The following ANK3 variants were observed in gnomAD, a reference collection of about 807,000 sequenced individuals.
ANK3 encodes ankyrin 3, also known as ankyrin-3.
In ANK3, 57 loss-of-function variants were observed where a neutral mutation model predicts 370.9. The observed-to-expected ratio is 0.15, with a 90% confidence interval of 0.12 to 0.19. The LOEUF (loss-of-function observed/expected upper bound fraction) is 0.19, where lower values mean the gene tolerates loss of function less well. Ranked by LOEUF, ANK3 falls within the 10% of genes least tolerant of loss-of-function variation. The pLI is 1.00. For missense variants in ANK3, 4,439 were observed against 5,302.1 expected, an observed-to-expected ratio of 0.84 and a Z score of 5.06; for synonymous variants, 1,929 against 1,946.3, an observed-to-expected ratio of 0.99 and a Z score of 0.23.
intron 2 of ANK3, among the ~76,000 whole-genome samples, chr10:60,434,134 C>A (rs750719088): frequency 5.3e-5 from 8 of 152,160 alleles, no homozygotes; most frequent in Non-Finnish European, 1.0e-4. Context: ...CATTCAAAAC[C>A]TCTATGGAAT....
intron 1 of ANK3, among the ~76,000 whole-genome samples, chr10:60,670,543 C>T (rs1480806616): frequency 6.6e-6 from 1 of 152,116 alleles, no homozygotes; most frequent in African/African-American, 2.4e-5. Flanking sequence ...CACTGGCCTC[C>T]CTGCTTCCAC....
intron 1 of ANK3, among the ~76,000 whole-genome samples, chr10:60,382,239 T>C (rs1027065420): frequency 2.0e-5 from 3 of 152,154 alleles, no homozygotes; most frequent in Admixed American, 2.0e-4. Flanking sequence ...TTTTTTACCA[T>C]GCAGTCCACA....
chr10:60,232,865 G>A (rs1340123801), intron 8 of ANK3, among the ~76,000 whole-genome samples: 1 of 152,122 alleles, frequency 6.6e-6, no homozygotes, highest in East Asian at 1.9e-4. Context: ...GTAAATAAAT[G>A]CAAGGAATAA....
chr10:60,293,326 A>G (rs991104716), intron 1 of ANK3, among the ~76,000 whole-genome samples: 1 of 152,150 alleles, frequency 6.6e-6, no homozygotes, highest in Non-Finnish European at 1.5e-5. Flanking sequence ...AAATAATCTC[A>G]TGGTTCATAG....
At chr10:60,172,861 T>A (rs371781498) in intron 20 of ANK3, 39 bp downstream of exon 20, 3 of 1,384,876 alleles carry the variant, frequency 2.2e-6, no homozygotes, top group African/African-American at 1.4e-5. Flanking sequence ...GGCCCATCTA[T>A]CTCCTCCCTC....
intron 2 of ANK3, among the ~76,000 whole-genome samples, chr10:60,447,686 A>G (rs1165777408): frequency 5.3e-5 from 8 of 152,098 alleles, no homozygotes; most frequent in African/African-American, 1.9e-4. Context: ...CTTTATACCA[A>G]ACTAGTCTCT....
chr10:60,599,416 A>G (rs190149688), intron 2 of ANK3, among the ~76,000 whole-genome samples: 1 of 152,340 alleles, frequency 6.6e-6, no homozygotes, highest in Admixed American at 6.5e-5. Flanking sequence ...TATTAATTAA[A>G]AATATAAAGT....
chr10:60,558,104 GCAAA>G (rs976267924), intron 2 of ANK3, among the ~76,000 whole-genome samples: 1 of 152,070 alleles, frequency 6.6e-6, no homozygotes, highest in African/African-American at 2.4e-5. Flanking sequence ...CAGCAATGCA[GCAAA>G]CCCCACCTAT....
intron 1 of ANK3, among the ~76,000 whole-genome samples, 180 bp from the exon 2 acceptor site, chr10:60,279,819 C>T (rs7910984): frequency 0.1 from 15,622 of 152,170 alleles, 905 homozygotes; most frequent in South Asian, 0.17. Flanking sequence ...AAGTTAGTTT[C>T]AAGGGTACAA....
At chr10:60,502,114 C>T (rs544668765) in intron 2 of ANK3, among the ~76,000 whole-genome samples, 1 of 152,142 alleles carries the variant, frequency 6.6e-6, no homozygotes, top group African/African-American at 2.4e-5. Flanking sequence ...AACTTCTGAC[C>T]AGCTAGAAAA....
intron 1 of ANK3, among the ~76,000 whole-genome samples, chr10:60,335,365 G>A (rs1350304517): frequency 1.3e-5 from 2 of 151,952 alleles, no homozygotes; most frequent in Non-Finnish European, 2.9e-5. Context: ...GTAAACACAT[G>A]ATCTCTGCAT....
intron 1 of ANK3, among the ~76,000 whole-genome samples, chr10:60,280,584 C>A (rs927991673): frequency 6.6e-6 from 1 of 152,168 alleles, no homozygotes; most frequent in African/African-American, 2.4e-5. Context: ...ATTGAAATCT[C>A]TGATAGAAAG....
chr10:60,413,485 G>T (rs1318663747), intron 2 of ANK3, among the ~76,000 whole-genome samples: 1 of 152,104 alleles, frequency 6.6e-6, no homozygotes, highest in African/African-American at 2.4e-5. Context: ...CTTCTCTATG[G>T]AGACAATATG....
chr10:60,096,531 A>C (rs1447388731), intron 28 of ANK3, among the ~76,000 whole-genome samples: 1 of 152,218 alleles, frequency 6.6e-6, no homozygotes, highest in Admixed American at 6.5e-5. Flanking sequence ...ATCGTACTAC[A>C]TGTTAGTACC....
intron 2 of ANK3, among the ~76,000 whole-genome samples, chr10:60,515,628 T>G (rs1458891904): frequency 6.6e-6 from 1 of 152,124 alleles, no homozygotes; most frequent in East Asian, 1.9e-4. Context: ...CAGCAGGGTA[T>G]TTTAGAGCCA....
At chr10:60,331,687 A>G (rs1320100504) in intron 1 of ANK3, among the ~76,000 whole-genome samples, 1 of 152,130 alleles carries the variant, frequency 6.6e-6, no homozygotes, top group Non-Finnish European at 1.5e-5. Flanking sequence ...GGCAAATCCA[A>G]ACAGGTCAGT....
chr10:60,039,863 A>C (rs942223021), intron 43 of ANK3, among the ~76,000 whole-genome samples: 1 of 152,204 alleles, frequency 6.6e-6, no homozygotes, highest in African/African-American at 2.4e-5. Context: ...AATTTTAGAG[A>C]GATAGCTTAG....
chr10:60,111,616 A>G, intron 26 of ANK3: 2 of 326,038 alleles, frequency 6.1e-6, no homozygotes, highest in Non-Finnish European at 6.2e-6. Flanking sequence ...TAGTTTTAGG[A>G]ACAGCAGGAT....
intron 1 of ANK3, among the ~76,000 whole-genome samples, chr10:60,290,533 G>C (rs1190402201): frequency 1.3e-5 from 2 of 152,052 alleles, no homozygotes; most frequent in Non-Finnish European, 1.5e-5. Context: ...TTCTAAAGGT[G>C]GTCTATATTA....
Sources: allele counts gnomAD v4.1 joint callset (sites outside exome capture counted in the v4.1 genomes callset), GRCh38; gene constraint gnomAD v4.1.1; transcripts MANE v1.5; gene names NCBI Gene and HGNC (gene_info 2026-07-23, HGNC 2026-07-21).